Variants in KCNMA1 observed in about 807,000 individuals in gnomAD.
KCNMA1 encodes the protein Calcium-activated potassium channel subunit alpha-1.
A neutral mutation model predicts 140.0 loss-of-function variants in KCNMA1; 29 were observed. The observed-to-expected ratio is 0.21, with a 90% CI of 0.15 to 0.28. The LOEUF is 0.28. Among genes scored for constraint, KCNMA1 ranks in the 10% least tolerant of loss-of-function variants. KCNMA1 has a pLI of 1.00. For missense variants in KCNMA1, 880 were observed against 1,602.2 expected (o/e 0.55, Z 7.70); for synonymous variants, 612 against 611.9 (o/e 1.00, Z 0.00).
intron 3 of KCNMA1, among the ~76,000 whole-genome samples, chr10:77,218,441 A>C (rs528501081): frequency 1.3e-5 from 2 of 152,270 alleles, no homozygotes; most frequent in Admixed American, 1.3e-4. Context: ...AACTCACTGG[A>C]GCTGGGTAGA....
chr10:76,918,703 T>A (rs1308783297), intron 23 of KCNMA1, among the ~76,000 whole-genome samples: 1 of 152,010 alleles, frequency 6.6e-6, no homozygotes, highest in East Asian at 1.9e-4. Flanking sequence ...GAACTAAAAG[T>A]AGATCTACCA....
chr10:77,530,013 G>C (rs961927567), intron 1 of KCNMA1, among the ~76,000 whole-genome samples: 2 of 152,192 alleles, frequency 1.3e-5, no homozygotes, highest in Non-Finnish European at 1.5e-5. Context: ...CGACAACAAA[G>C]CTAATAATGT....
At chr10:77,312,039 C>G (rs1288695500) in intron 2 of KCNMA1, among the ~76,000 whole-genome samples, 1 of 152,224 alleles carries the variant, frequency 6.6e-6, no homozygotes, top group African/African-American at 2.4e-5. Flanking sequence ...CAGATGCACA[C>G]AGCCCACTAG....
At chr10:77,435,574 T>A (rs1025893790) in intron 1 of KCNMA1, among the ~76,000 whole-genome samples, 1 of 152,186 alleles carries the variant, frequency 6.6e-6, no homozygotes, top group African/African-American at 2.4e-5. Context: ...CAGGGTCCTG[T>A]CCATATATCA....
In KCNMA1 at chr10:76,949,271, C is replaced by A; in HGVS notation, c.2580G>T (p.Leu860=). The change falls in exon 22 of 28, where the codon CTG becomes CTT. Residue 860 remains leucine, a synonymous_variant. Transcript: ENST00000286628. ...AGTTGCTGGCACGGAGCGGCATCAC[C>A]AGGTTCCGGAGGCCGATCAGGGCTG... ...VSSALIGLRN[L]VMPLRASNFH... is the part of the protein sequence containing the mutation. 2 of 1,614,118 alleles carry A rather than the reference C, an allele frequency of 1.2e-6. No homozygotes were observed. The highest frequency in any genetic ancestry group is 1.6e-4 in the Middle Eastern group (1 of 6,062).
rs77355995 is a variant in KCNMA1 at position 77,007,166 on chromosome 10, C to T, written c.2092+4801G>A. On this transcript the variant is annotated intron_variant, in intron 18 of 27. Transcript: ENST00000286628. ...AAAAGCTCCTCCTCAATGGCCACAT[C>T]TTGTTGAGTAAAAGGGCATCCTATT... is the stretch of plus-strand genomic sequence containing the variant. 3.3e-3 allele frequency among the ~76,000 whole-genome samples: 504 copies of T among 152,298 alleles called. 2 individuals are homozygous for T. The highest frequency in any genetic ancestry group is 0.012 in the African/African-American group (487 of 41,570).
chr10:77,483,252 G>A (rs145103607), intron 1 of KCNMA1, among the ~76,000 whole-genome samples: 11 of 152,102 alleles, frequency 7.2e-5, no homozygotes, highest in South Asian at 2.1e-4. Flanking sequence ...TCTCTGCTCC[G>A]ACCCTTCTCC....
chr10:77,562,983 A>G lies in KCNMA1; in HGVS notation c.378+74282T>C, dbSNP rs1254868904. ...CTTGCCCAGAACAGATGGGGAAAAA[A>G]TTACGCTATGCCCTGAAATTTTCCA... On this transcript the variant is annotated intron_variant, in intron 1 of 27. Coordinates refer to ENST00000286628, the MANE Select transcript of KCNMA1 (RefSeq NM_001161352.2). Among the ~76,000 whole-genome samples the G allele has an allele frequency of 3.3e-5, 5 of 152,138 alleles. No individual in the cohort carries two copies. In the East Asian group the frequency reaches 9.6e-4, roughly 29 times the overall value.
intron 1 of KCNMA1, among the ~76,000 whole-genome samples, chr10:77,566,189 A>C (rs1277935286): frequency 6.6e-6 from 1 of 152,152 alleles, no homozygotes; most frequent in Non-Finnish European, 1.5e-5. Context: ...AGACCAACCC[A>C]AATGAAATCC....
At position 77,102,738 on chromosome 10, in the gene KCNMA1, C is replaced by CT. The variant is rs2097127547; in HGVS notation, c.1223+5742dup. Reference sequence around the variant, plus strand: ...TAGCATCTCCTCCTCTGAGGTGTCGCTTCCTTGGACTACTTTATCCAGTGT... The same window carrying CT: ...TAGCATCTCCTCCTCTGAGGTGTCGCTTTCCTTGGACTACTTTATCCAGTGT... On this transcript the variant is annotated intron_variant, in intron 9 of 27. Transcript: ENST00000286628. 2.6e-5 allele frequency among the ~76,000 whole-genome samples: 4 copies of CT among 152,312 alleles called. No individual in the cohort carries two copies. The South Asian group carries it at 8.3e-4, about 32-fold the overall frequency.
intron 18 of KCNMA1, among the ~76,000 whole-genome samples, chr10:77,003,720 G>A (rs1231888269): frequency 2.0e-5 from 3 of 152,132 alleles, no homozygotes; most frequent in Non-Finnish European, 4.4e-5. Flanking sequence ...TTTCCATACT[G>A]CCATTTTGGG....
At chr10:77,382,767 A>G (rs1481899969) in intron 2 of KCNMA1, among the ~76,000 whole-genome samples, 1 of 148,400 alleles carries the variant, frequency 6.7e-6, no homozygotes. Flanking sequence ...CAGGAGCCTG[A>G]GGCAGGAGAA....
At chr10:76,937,757 T>C (rs2060928725) in intron 23 of KCNMA1, among the ~76,000 whole-genome samples, 1 of 152,220 alleles carries the variant, frequency 6.6e-6, no homozygotes, top group Non-Finnish European at 1.5e-5. Flanking sequence ...ACTGCTGCCA[T>C]ACTTCCAAAG....
At chr10:76,928,858 T>C (rs2058522771) in intron 23 of KCNMA1, among the ~76,000 whole-genome samples, 1 of 152,090 alleles carries the variant, frequency 6.6e-6, no homozygotes, top group Non-Finnish European at 1.5e-5. Flanking sequence ...TAGAGTGCTA[T>C]ACTTCATAGA....
chr10:77,273,648 T>C (rs1459202407), intron 2 of KCNMA1, among the ~76,000 whole-genome samples: 1 of 152,224 alleles, frequency 6.6e-6, no homozygotes, highest in East Asian at 1.9e-4. Flanking sequence ...AAGAGATAAC[T>C]GGTGAGCAGA....
Position 77,121,510 on chromosome 10 carries a change from TA to T in KCNMA1, c.809-463del, listed in dbSNP as rs1418301285. Reference sequence around the variant, plus strand: ...TTTTTATCTTTATCTTCAGCCCTGATAAAATGAAGAGTACAGCCCACAGTGT... The same window carrying T: ...TTTTTATCTTTATCTTCAGCCCTGATAAATGAAGAGTACAGCCCACAGTGT... On this transcript the variant is annotated intron_variant, in intron 5 of 27. Transcript: ENST00000286628. 4.0e-5 allele frequency among the ~76,000 whole-genome samples: 6 copies of T among 151,426 alleles called. No individual in the cohort carries two copies. In the East Asian group the frequency reaches 1.2e-3, roughly 29 times the overall value.
intron 3 of KCNMA1, among the ~76,000 whole-genome samples, chr10:77,241,785 C>G (rs1599726417): frequency 6.6e-6 from 1 of 152,208 alleles, no homozygotes; most frequent in East Asian, 1.9e-4. Context: ...TACACTTCAG[C>G]CTGGGTGACA....
At chr10:77,055,008 T>A (rs1336580817) in intron 14 of KCNMA1, among the ~76,000 whole-genome samples, 2 of 152,104 alleles carry the variant, frequency 1.3e-5, no homozygotes, top group Non-Finnish European at 2.9e-5. Flanking sequence ...TTATTGAATA[T>A]GCTAAAAAGC....
At chr10:77,363,682 A>T (rs1231720586) in intron 2 of KCNMA1, among the ~76,000 whole-genome samples, 1 of 151,000 alleles carries the variant, frequency 6.6e-6, no homozygotes, top group African/African-American at 2.4e-5. Flanking sequence ...TCCAATTCAG[A>T]CTCCCTGGCT....
Sources: allele counts gnomAD v4.1 joint callset (sites outside exome capture counted in the v4.1 genomes callset), GRCh38; gene constraint gnomAD v4.1.1; transcripts MANE v1.5; gene names NCBI Gene and HGNC (gene_info 2026-07-23, HGNC 2026-07-21).